The following IFNAR2 variants were observed in gnomAD, a reference collection of about 807,000 sequenced individuals.
IFNAR2 encodes interferon alpha and beta receptor subunit 2, also known as interferon alpha/beta receptor 2.
A neutral mutation model predicts 49.4 loss-of-function variants in IFNAR2; 30 were observed. The observed-to-expected ratio is 0.61, with a 90% CI of 0.45 to 0.82. IFNAR2 has a LOEUF of 0.82. IFNAR2 is among the 40% of genes least tolerant of loss of function. IFNAR2 has a pLI of 0.00. For synonymous variants in IFNAR2, 224 were observed against 234.5 expected (o/e 0.96, Z 0.41); for missense variants, 600 against 622.7 (o/e 0.96, Z 0.39).
intron 8 of IFNAR2, among the ~76,000 whole-genome samples, chr21:33,262,181 A>G (rs997916286): frequency 5.3e-5 from 8 of 152,152 alleles, no homozygotes; most frequent in African/African-American, 1.9e-4. Context: ...CCTGGCCAAC[A>G]TGGTGAAACC....
In IFNAR2 at chr21:33,237,078, G is replaced by GATGTGTGTGTGTGTGTGTGT. The variant is rs3223272; in HGVS notation, c.-83-4762_-83-4761insATGTGTGTGTGTGTGTGTGT. On this transcript the variant is annotated intron_variant, in intron 1 of 8. Coordinates refer to ENST00000342136, the MANE Select transcript of IFNAR2 (RefSeq NM_001289125.3). ...CCCCTGGCCCAGAGGGGGAGAATGG[G>GATGTGTGTGTGTGTGTGTGT]GTGTGTGTGTGTGTGTGTGTGTGTG... 1.4e-3 allele frequency among the ~76,000 whole-genome samples: 203 copies of GATGTGTGTGTGTGTGTGTGT among 147,690 alleles called. 3 individuals carry two copies. Among genetic ancestry groups the GATGTGTGTGTGTGTGTGTGT allele is most frequent in the African/African-American group, 4.8e-3 (193 of 39,998 alleles).
chr21:33,258,957 A>G (rs945460449), intron 7 of IFNAR2, among the ~76,000 whole-genome samples: 2 of 152,084 alleles, frequency 1.3e-5, no homozygotes, highest in African/African-American at 4.8e-5. Flanking sequence ...CCCAGGGGAG[A>G]GGCGGTCTTA....
chr21:33,245,855 G>A (rs17860194), intron 4 of IFNAR2, among the ~76,000 whole-genome samples: 21 of 152,230 alleles, frequency 1.4e-4, no homozygotes, highest in South Asian at 8.3e-4. Flanking sequence ...GCATTGAGTG[G>A]TCACATGTAT....
chr21:33,235,850 C>T (rs781078473), intron 1 of IFNAR2, among the ~76,000 whole-genome samples: 6 of 151,982 alleles, frequency 3.9e-5, no homozygotes, highest in Non-Finnish European at 7.4e-5. Context: ...GGAGTGAACT[C>T]GGAAGGCGGA....
At chr21:33,258,850 G>T (rs562816884) in intron 7 of IFNAR2, among the ~76,000 whole-genome samples, 1 of 152,274 alleles carries the variant, frequency 6.6e-6, no homozygotes, top group South Asian at 2.1e-4. Context: ...TTGTGAGCAG[G>T]TTGCTCTCCG....
intron 4 of IFNAR2, among the ~76,000 whole-genome samples, chr21:33,245,920 C>A (rs1353809351): frequency 6.6e-6 from 1 of 152,126 alleles, no homozygotes; most frequent in Admixed American, 6.5e-5. Context: ...CCTGAAATAG[C>A]CCAGGTCTGA....
chr21:33,255,879 A>G (rs1337118738), intron 7 of IFNAR2, among the ~76,000 whole-genome samples: 3 of 152,146 alleles, frequency 2.0e-5, no homozygotes, highest in Admixed American at 2.0e-4. Flanking sequence ...GCATAAACTC[A>G]TATGTGGCCC....
chr21:33,262,794 A>G lies in IFNAR2; in HGVS notation c.842A>G (p.Asn281Ser), dbSNP rs1988724025. 5 of 1,571,818 alleles carry G rather than the reference A, an allele frequency of 3.2e-6. No homozygotes were observed. Among genetic ancestry groups the G allele is most frequent in the Non-Finnish European group, 3.4e-6 (4 of 1,163,552 alleles). The change falls in exon 9 of 9, where the codon AAT becomes AGT. Residue 281 changes from asparagine to serine, a missense_variant and splice_region_variant. Asn to Ser is a conservative substitution (Grantham distance 46). Coordinates refer to ENST00000342136, the MANE Select transcript of IFNAR2 (RefSeq NM_001289125.3). ...CLRNSLPKVL[N>S]FHNFLAWPFP... ...TCTCTCTTTTTTTTTTTTTTTAAGA[A>G]TTTTCATAACTTTTTAGCCTGGCCA...
intron 1 of IFNAR2, chr21:33,231,595 A>G: frequency 6.5e-6 from 3 of 458,358 alleles, no homozygotes; most frequent in Non-Finnish European, 8.6e-6. Context: ...TTATTAAAAT[A>G]TATATTCCAT....
Position 33,251,317 on chromosome 21 carries a change from C to T in IFNAR2, c.541-1345C>T, listed in dbSNP as rs545323212. Among the ~76,000 whole-genome samples the T allele has an allele frequency of 2.6e-5, 4 of 152,280 alleles. No homozygotes were observed. The East Asian group carries it at 5.8e-4, about 22-fold the overall frequency. On this transcript the variant is annotated intron_variant, in intron 6 of 8. Coordinates refer to ENST00000342136, the MANE Select transcript of IFNAR2 (RefSeq NM_001289125.3). Reference sequence around the variant, plus strand: ...GAAGGTGAAAGTGGTCTACTGAGTCCAGTGCTGTAAATGGGACAATTGAAG... The same window carrying T: ...GAAGGTGAAAGTGGTCTACTGAGTCTAGTGCTGTAAATGGGACAATTGAAG...
In IFNAR2 at chr21:33,263,034, A is replaced by G. The variant is rs1303884721; in HGVS notation, c.1082A>G (p.Asp361Gly). The change falls in exon 9 of 9, where the codon GAC becomes GGC. Residue 361 changes from aspartate to glycine, a missense_variant. Physicochemically the swap from Asp to Gly is moderately conservative, Grantham distance 94. Coordinates refer to ENST00000342136, the MANE Select transcript of IFNAR2 (RefSeq NM_001289125.3). Reference protein sequence around the residue: ...SATSTESQLIDPESEEEPDLP... With the variant: ...SATSTESQLIGPESEEEPDLP... Reference sequence around the variant, plus strand: ...ACCTCTACAGAATCCCAGTTGATAGACCCGGAGTCCGAGGAGGAGCCTGAC... The same window carrying G: ...ACCTCTACAGAATCCCAGTTGATAGGCCCGGAGTCCGAGGAGGAGCCTGAC... The G allele has an allele frequency of 1.2e-6, 2 of 1,614,032 alleles. No homozygotes were observed. The highest frequency in any genetic ancestry group is 1.7e-6 in the Non-Finnish European group (2 of 1,179,988).
At chr21:33,246,459 A>G (rs1987416585) in intron 4 of IFNAR2, among the ~76,000 whole-genome samples, 1 of 152,222 alleles carries the variant, frequency 6.6e-6, no homozygotes, top group Non-Finnish European at 1.5e-5. Flanking sequence ...GACATTATGT[A>G]AATGGAGACA....
At chr21:33,231,743 T>C (rs1488394439) in intron 1 of IFNAR2, 1 of 953,464 alleles carries the variant, frequency 1.0e-6, no homozygotes, top group Non-Finnish European at 1.2e-6. Context: ...TTGGTTTGGT[T>C]TGGTTTGGTT....
At chr21:33,259,080 T>C (rs147651134) in intron 7 of IFNAR2, among the ~76,000 whole-genome samples, 6 of 152,208 alleles carry the variant, frequency 3.9e-5, no homozygotes, top group Non-Finnish European at 8.8e-5. Context: ...TGATCAGATA[T>C]TACCAACCCC....
intron 7 of IFNAR2, among the ~76,000 whole-genome samples, chr21:33,253,759 A>C (rs989226871): frequency 1.3e-5 from 2 of 152,156 alleles, no homozygotes; most frequent in African/African-American, 2.4e-5. Flanking sequence ...TTTTTAGACC[A>C]TGTAGGGTAA....
intron 1 of IFNAR2, among the ~76,000 whole-genome samples, chr21:33,235,132 A>G (rs1264034702): frequency 6.6e-6 from 1 of 152,204 alleles, no homozygotes; most frequent in East Asian, 1.9e-4. Flanking sequence ...TTAGCATATG[A>G]TAAGCAGTGA....
chr21:33,256,037 A>C (rs1239046768), intron 7 of IFNAR2, among the ~76,000 whole-genome samples: 1 of 152,234 alleles, frequency 6.6e-6, no homozygotes, highest in African/African-American at 2.4e-5. Flanking sequence ...CGAAACTCTT[A>C]TAGACAATAA....
intron 3 of IFNAR2, 70 bp downstream of exon 3, chr21:33,243,784 T>C: frequency 9.4e-7 from 1 of 1,066,320 alleles, no homozygotes; most frequent in Non-Finnish European, 1.5e-6. Flanking sequence ...CATTCAGAGG[T>C]ATAAAATGTG....
At chr21:33,235,373 C>G (rs912139249) in intron 1 of IFNAR2, among the ~76,000 whole-genome samples, 1 of 152,118 alleles carries the variant, frequency 6.6e-6, no homozygotes, top group Non-Finnish European at 1.5e-5. Context: ...GACCTGTCAC[C>G]TGGGGCTCAG....
Sources: gnomAD v4.1 joint callset for allele counts (sites outside exome capture counted in the v4.1 genomes callset) on GRCh38, gnomAD v4.1.1 for gene constraint, MANE v1.5 for transcripts, NCBI Gene and HGNC (gene_info 2026-07-23, HGNC 2026-07-21) for gene names.